Variants in C18orf63 observed in about 807,000 individuals in gnomAD.
The protein encoded by C18orf63 is chromosome 18 open reading frame 63.
A neutral mutation model predicts 75.3 loss-of-function variants in C18orf63; 50 were observed. The ratio of observed to expected loss-of-function variants is 0.66; its 90% CI spans 0.53 to 0.84. The LOEUF is 0.84. Ranked by LOEUF, C18orf63 falls within the 40% of genes least tolerant of loss-of-function variation. The pLI is 0.00. For synonymous variants in C18orf63, 232 were observed against 267.6 expected (o/e 0.87, Z 1.30); for missense variants, 732 against 800.2 (o/e 0.91, Z 1.03).
chr18:74,346,121 T>C (rs1191042929), intron 11 of C18orf63, among the ~76,000 whole-genome samples: 4 of 152,132 alleles, frequency 2.6e-5, no homozygotes, highest in Admixed American at 2.0e-4. Context: ...ATGGGAAGTC[T>C]TTTGTACTTC....
rs1456980937 is a variant in C18orf63 at position 74,359,034 on chromosome 18, T to C, written c.*2587T>C. The C allele has an allele frequency of 6.6e-6, 1 of 152,154 alleles. No homozygotes were observed. The highest frequency in any genetic ancestry group is 2.4e-5 in the African/African-American group (1 of 41,440). 9.4% of individuals were successfully genotyped at this position (152,154 alleles called of 1,614,324 possible). On this transcript the variant is annotated 3_prime_UTR_variant, in exon 14 of 14. Coordinates refer to ENST00000579455, the MANE Select transcript of C18orf63 (RefSeq NM_001174123.2). ...TGGGGTATTATGCTGAAACTGCTAATATATTGGGTATTTATTGATACTTAG... is the reference window on the plus strand; with the variant it reads ...TGGGGTATTATGCTGAAACTGCTAACATATTGGGTATTTATTGATACTTAG...
chr18:74,343,447 C>A, intron 10 of C18orf63, 72 bp from the exon 11 acceptor site: 1 of 981,062 alleles, frequency 1.0e-6, no homozygotes, highest in Non-Finnish European at 1.4e-6. Context: ...TACTTTACTA[C>A]TTTTTAAAAT....
chr18:74,320,708 C>T, intron 3 of C18orf63, 117 bp downstream of exon 3: 1 of 593,188 alleles, frequency 1.7e-6, no homozygotes, highest in Non-Finnish European at 2.8e-6. Context: ...TGATTAATCA[C>T]AATGTGTTAC....
In C18orf63 at chr18:74,328,982, T is replaced by A; in HGVS notation, c.383-13T>A. 1 of 1,447,010 alleles carries A rather than the reference T, an allele frequency of 6.9e-7. No individual in the cohort carries two copies. Among genetic ancestry groups the A allele is most frequent in the Non-Finnish European group, 9.4e-7 (1 of 1,065,776 alleles). The allele number at this position is 1,447,010 out of a possible 1,614,324, so 89.6% of individuals were successfully genotyped here. On this transcript the variant is annotated splice_polypyrimidine_tract_variant and intron_variant, in intron 5 of 13. Coordinates refer to ENST00000579455, the MANE Select transcript of C18orf63 (RefSeq NM_001174123.2). ...AGTTGTAATAACATGGCATATTCTA[T>A]GAATTTTTTAAGGAAGAGATTTTCT...
At position 74,343,617 on chromosome 18, in the gene C18orf63, A is replaced by T. The variant is rs1984524153; in HGVS notation, c.893A>T (p.Lys298Ile). The T allele has an allele frequency of 6.5e-7, 1 of 1,534,832 alleles. No homozygotes were observed. ...LKSFLSDLKSKLPHICGFPIK... is the reference protein window; with the variant it reads ...LKSFLSDLKSILPHICGFPIK... ...AGTTTTCTTTCAGATTTAAAATCTAAACTGCCCCATATATGTGGATTTCCC... is the reference window on the plus strand; with the variant it reads ...AGTTTTCTTTCAGATTTAAAATCTATACTGCCCCATATATGTGGATTTCCC... Residue 298 changes from lysine to isoleucine, a missense_variant, in exon 11 of 14, where the codon AAA (lysine) becomes ATA (isoleucine). Physicochemically the swap from Lys to Ile is moderately radical, Grantham distance 102. Transcript: ENST00000579455.
At chr18:74,331,202 C>T (rs116313406) in intron 7 of C18orf63, among the ~76,000 whole-genome samples, 1,874 of 152,118 alleles carry the variant, frequency 0.012, 29 homozygotes, top group African/African-American at 0.042. Context: ...AGATGGTATC[C>T]GAGACTCTCC....
chr18:74,331,503 G>C (rs2145120691), intron 7 of C18orf63, among the ~76,000 whole-genome samples: 1 of 152,314 alleles, frequency 6.6e-6, no homozygotes, highest in East Asian at 1.9e-4. Flanking sequence ...AAGCGGTTGA[G>C]GGCAGGGAAA....
At chr18:74,319,272 A>ATAGCTCTCTCTAG (rs1568234140) in intron 2 of C18orf63, among the ~76,000 whole-genome samples, 4 of 152,138 alleles carry the variant, frequency 2.6e-5, no homozygotes, top group Non-Finnish European at 4.4e-5. Context: ...AGAGTCTTGA[A>ATAGCTCTCTCTAG]TAGCATTTGG....
rs1289789336 is a variant in C18orf63, at chr18:74,329,157, G to C, written c.424+121G>C. 4 of 612,154 alleles carry C rather than the reference G, an allele frequency of 6.5e-6. No individual in the cohort carries two copies. The African/African-American group carries it at 7.3e-5, about 11-fold the overall frequency. The allele number at this position is 612,154 out of a possible 1,614,324, so 37.9% of individuals were successfully genotyped here. The stretch of plus-strand genomic sequence containing the variant: ...TAATCCCAACGGTTTGGGAGGCCAA[G>C]GTAGGTAGATTGTTTGAGCCCACAA... On this transcript the variant is annotated intron_variant, in intron 6 of 13. Transcript: ENST00000579455.
At position 74,355,919 on chromosome 18, in the gene C18orf63, C is replaced by T. The variant is rs1319826329; in HGVS notation, c.*34-562C>T. ...TCCCCTGCCAGAAATATTAGCTGGG[C>T]GTGGTGGTGCATGCCTATAGTCCCA... On this transcript the variant is annotated intron_variant, in intron 13 of 13. Transcript: ENST00000579455. Among the ~76,000 whole-genome samples the T allele has an allele frequency of 2.6e-5, 4 of 151,676 alleles. No individual in the cohort carries two copies. The East Asian group carries it at 5.8e-4, about 22-fold the overall frequency.
intron 2 of C18orf63, among the ~76,000 whole-genome samples, 190 bp downstream of exon 2, chr18:74,318,189 G>T (rs1469168729): frequency 6.6e-6 from 1 of 152,104 alleles, no homozygotes; most frequent in Non-Finnish European, 1.5e-5. Context: ...TAAAATACTT[G>T]CAATAGAATT....
At chr18:74,351,019 A>C (rs534062065) in intron 11 of C18orf63, among the ~76,000 whole-genome samples, 1 of 152,290 alleles carries the variant, frequency 6.6e-6, no homozygotes. Flanking sequence ...TGTTGCTTAT[A>C]AACTACCTAC....
At chr18:74,327,258 C>T (rs1192390309) in intron 4 of C18orf63, among the ~76,000 whole-genome samples, 3 of 152,294 alleles carry the variant, frequency 2.0e-5, no homozygotes, top group East Asian at 3.9e-4. Flanking sequence ...GTAGTCACCT[C>T]AGCACCTAGA....
chr18:74,331,017 G>T (rs1010616101), intron 7 of C18orf63, 75 bp downstream of exon 7: 31 of 552,594 alleles, frequency 5.6e-5, no homozygotes, highest in Non-Finnish European at 8.1e-5. Flanking sequence ...TTACTAACGT[G>T]ATTAGGTTTT....
rs1353474044 is a variant in C18orf63, at chr18:74,353,373, AG to A, written c.1108del (p.Val370TrpfsTer42). ...LLPCSVAVDH[K>X]VELSVSQPTS... ...CCATGTTCAGTAGCAGTGGACCACAAGGTGGAGCTTTCAGTCAGCCAGCCAA... is the reference window on the plus strand; with the variant it reads ...CCATGTTCAGTAGCAGTGGACCACAAGTGGAGCTTTCAGTCAGCCAGCCAA... On this transcript the variant is annotated frameshift_variant, in exon 12 of 14. Transcript: ENST00000579455. LOFTEE classifies it high-confidence loss of function. 1 of 1,536,358 alleles carries A rather than the reference AG, an allele frequency of 6.5e-7. No individual in the cohort carries two copies. The highest frequency in any genetic ancestry group is 1.2e-5 in the South Asian group (1 of 84,052).
At chr18:74,318,589 C>T (rs543269297) in intron 2 of C18orf63, among the ~76,000 whole-genome samples, 3 of 152,126 alleles carry the variant, frequency 2.0e-5, no homozygotes, top group East Asian at 1.9e-4. Flanking sequence ...AGGAGTTCGA[C>T]ACCAGCCTGG....
At chr18:74,334,711 C>T (rs1471339569) in intron 7 of C18orf63, among the ~76,000 whole-genome samples, 1 of 151,994 alleles carries the variant, frequency 6.6e-6, no homozygotes, top group Non-Finnish European at 1.5e-5. Context: ...CTCTTCCCTC[C>T]AGTTTATTTT....
chr18:74,346,253 T>C (rs188490360), intron 11 of C18orf63, among the ~76,000 whole-genome samples: 2 of 152,288 alleles, frequency 1.3e-5, no homozygotes, highest in East Asian at 3.9e-4. Context: ...CTTAAATACA[T>C]TATGACCTGT....
At chr18:74,336,310 AC>A (rs1370144716) in intron 7 of C18orf63, among the ~76,000 whole-genome samples, 1 of 152,062 alleles carries the variant, frequency 6.6e-6, no homozygotes, top group Non-Finnish European at 1.5e-5. Flanking sequence ...AAATAAAAAT[AC>A]ATTAAAAAAC....
Sources: allele counts gnomAD v4.1 joint callset (sites outside exome capture counted in the v4.1 genomes callset), GRCh38; gene constraint gnomAD v4.1.1; transcripts MANE v1.5; gene names NCBI Gene and HGNC (gene_info 2026-07-23, HGNC 2026-07-21).